LMBR1: variants seen among roughly 807,000 people sequenced by gnomAD.
LMBR1 encodes the protein limb region 1 protein homolog.
LMBR1 carries 52 observed loss-of-function variants against 73.9 expected under a neutral mutation model. That is an observed-to-expected ratio of 0.70 (90% confidence interval 0.56 to 0.89). The LOEUF (loss-of-function observed/expected upper bound fraction) is 0.89, where lower values mean the gene tolerates loss of function less well. Among genes scored for constraint, LMBR1 ranks in the 40% least tolerant of loss-of-function variants. LMBR1 has a pLI of 0.00. For synonymous variants in LMBR1, 215 were observed against 209.4 expected (o/e 1.03, Z -0.23); for missense variants, 539 against 579.8 (o/e 0.93, Z 0.72).
intron 4 of LMBR1, among the ~76,000 whole-genome samples, chr7:156,810,994 A>G (rs779887778): frequency 8.6e-5 from 13 of 151,172 alleles, no homozygotes; most frequent in Non-Finnish European, 1.8e-4. Context: ...TATTTTTAGT[A>G]GAGACGAGGT....
At chr7:156,733,414 G>C (rs1817246245) in intron 10 of LMBR1, among the ~76,000 whole-genome samples, 1 of 152,020 alleles carries the variant, frequency 6.6e-6, no homozygotes, top group African/African-American at 2.4e-5. Context: ...CAAAGAGGGA[G>C]GACACAGATT....
rs141879038 is a variant in LMBR1 at position 156,716,589 on chromosome 7, A to G, written c.1225+7523T>C. ...GAAAGTTCTCCAGAGACAGGTCTCC[A>G]TGGTATGGCTCAGTCAAACTTTCTC... On this transcript the variant is annotated intron_variant, in intron 15 of 16. Coordinates refer to ENST00000353442, the MANE Select transcript of LMBR1 (RefSeq NM_022458.4). Among the ~76,000 whole-genome samples the G allele has an allele frequency of 5.5e-3, 833 of 152,352 alleles. 5 individuals carry two copies. Among genetic ancestry groups the G allele is most frequent in the Non-Finnish European group, 9.4e-3 (638 of 68,026 alleles).
chr7:156,704,504 C>T lies in LMBR1; in HGVS notation c.1226-16313G>A, dbSNP rs114750721. 6.3e-3 allele frequency among the ~76,000 whole-genome samples: 950 copies of T among 151,466 alleles called. 10 individuals are homozygous for T. Among genetic ancestry groups the T allele is most frequent in the African/African-American group, 0.022 (903 of 41,240 alleles). On this transcript the variant is annotated intron_variant, in intron 15 of 16. Coordinates refer to ENST00000353442, the MANE Select transcript of LMBR1 (RefSeq NM_022458.4). ...TAAGCAGCAACTATTGCTCCGGATG[C>T]GCAGAAATCAATGTAAAGATACAAA...
chr7:156,768,249 T>A (rs1036308993), intron 5 of LMBR1, among the ~76,000 whole-genome samples: 4 of 151,794 alleles, frequency 2.6e-5, no homozygotes, highest in African/African-American at 7.3e-5. Flanking sequence ...CCCAGCTACT[T>A]GGGAGGCTGA....
At chr7:156,892,799 A>C (rs1803373018) in intron 1 of LMBR1, 129 bp downstream of exon 1, 6 of 391,300 alleles carry the variant, frequency 1.5e-5, no homozygotes, top group Non-Finnish European at 2.4e-5. Flanking sequence ...GGAGAGCGGC[A>C]GAGGCCGGGG....
chr7:156,877,739 T>C (rs186196173), intron 1 of LMBR1, among the ~76,000 whole-genome samples: 4,442 of 151,930 alleles, frequency 0.029, 101 homozygotes, highest in South Asian at 0.087. Context: ...AAAAATTAGC[T>C]GGGCGCGGTG....
intron 9 of LMBR1, among the ~76,000 whole-genome samples, chr7:156,739,246 C>T (rs1049750649): frequency 4.6e-5 from 7 of 152,156 alleles, no homozygotes; most frequent in African/African-American, 1.7e-4. Context: ...AGGTCTTTGT[C>T]TTATGGTTTG....
chr7:156,804,895 A>T (rs1382459831), intron 4 of LMBR1, among the ~76,000 whole-genome samples: 1 of 152,096 alleles, frequency 6.6e-6, no homozygotes, highest in Admixed American at 6.5e-5. Flanking sequence ...TATCCTACCT[A>T]AAAAATTATG....
chr7:156,845,136 G>A (rs962610402), intron 1 of LMBR1, among the ~76,000 whole-genome samples: 5 of 152,052 alleles, frequency 3.3e-5, no homozygotes, highest in Non-Finnish European at 7.4e-5. Flanking sequence ...CAATTGCCCT[G>A]ATTATTTGAA....
Position 156,683,369 on chromosome 7 carries a change from G to A in LMBR1, c.*709C>T, listed in dbSNP as rs983455908. 6.6e-6 allele frequency: 1 copy of A among 152,632 alleles called. No individual in the cohort carries two copies. The highest frequency in any genetic ancestry group is 2.4e-5 in the African/African-American group (1 of 41,466). 9.5% of individuals were successfully genotyped at this position (152,632 alleles called of 1,614,324 possible). A position where few individuals can be genotyped will look rare whatever the true frequency, so the allele number is the denominator to read the frequency against. ...TATATACATAAACTGTCATTAAACT[G>A]TGATTACATGATACTTCCTACCACA... On this transcript the variant is annotated 3_prime_UTR_variant, in exon 17 of 17. Coordinates refer to ENST00000353442, the MANE Select transcript of LMBR1 (RefSeq NM_022458.4).
intron 1 of LMBR1, among the ~76,000 whole-genome samples, chr7:156,852,718 C>T (rs556025893): frequency 6.6e-6 from 1 of 152,274 alleles, no homozygotes; most frequent in Admixed American, 6.5e-5. Context: ...TTGTCACAAC[C>T]AGGTGAATCG....
chr7:156,775,940 A>G (rs1227070318), intron 5 of LMBR1, among the ~76,000 whole-genome samples: 1 of 151,862 alleles, frequency 6.6e-6, no homozygotes, highest in Non-Finnish European at 1.5e-5. Context: ...ACCTTGGGCG[A>G]ATTACTAAGC....
At chr7:156,781,368 G>C (rs995549577) in intron 5 of LMBR1, among the ~76,000 whole-genome samples, 2 of 152,090 alleles carry the variant, frequency 1.3e-5, no homozygotes, top group South Asian at 4.1e-4. Flanking sequence ...CCGGCTTCCT[G>C]CTCTCACTCC....
At chr7:156,743,957 C>T (rs1585508552) in intron 9 of LMBR1, among the ~76,000 whole-genome samples, 1 of 152,142 alleles carries the variant, frequency 6.6e-6, no homozygotes, top group African/African-American at 2.4e-5. Flanking sequence ...CCAAATGTTT[C>T]TTTCAATATG....
intron 9 of LMBR1, among the ~76,000 whole-genome samples, chr7:156,752,868 G>T (rs1031576326): frequency 1.3e-5 from 2 of 151,924 alleles, no homozygotes; most frequent in Admixed American, 6.6e-5. Context: ...GCACAATCCA[G>T]TGAGACCACA....
chr7:156,841,058 G>A (rs532094470), intron 1 of LMBR1, among the ~76,000 whole-genome samples: 9 of 151,818 alleles, frequency 5.9e-5, no homozygotes, highest in Non-Finnish European at 1.0e-4. Flanking sequence ...GCAGGAAGCC[G>A]AGAGCAGCCA....
intron 5 of LMBR1, among the ~76,000 whole-genome samples, chr7:156,770,474 A>T (rs1366158394): frequency 6.6e-6 from 1 of 152,254 alleles, no homozygotes; most frequent in Non-Finnish European, 1.5e-5. Flanking sequence ...AGAATACTTT[A>T]TAAAAACATA....
intron 15 of LMBR1, among the ~76,000 whole-genome samples, chr7:156,694,867 TAAAC>T (rs1039638478): frequency 9.5e-4 from 145 of 152,204 alleles, no homozygotes; most frequent in African/African-American, 3.3e-3. Flanking sequence ...TTAGATGAAA[TAAAC>T]AAATTCCTTA....
At chr7:156,744,142 G>A (rs751056104) in intron 9 of LMBR1, among the ~76,000 whole-genome samples, 4 of 152,022 alleles carry the variant, frequency 2.6e-5, no homozygotes, top group South Asian at 2.1e-4. Flanking sequence ...TTCTGGGCTC[G>A]AGCGTATACT....
Sources: gnomAD v4.1 joint callset for allele counts (sites outside exome capture counted in the v4.1 genomes callset) on GRCh38, gnomAD v4.1.1 for gene constraint, MANE v1.5 for transcripts, NCBI Gene and HGNC (gene_info 2026-07-23, HGNC 2026-07-21) for gene names.